HS6ST2: variants seen among roughly 807,000 people sequenced by gnomAD.
HS6ST2 encodes the protein heparan-sulfate 6-O-sulfotransferase 2.
In HS6ST2, 17 loss-of-function variants were observed where a neutral mutation model predicts 33.0. That is an observed-to-expected ratio of 0.52 (90% CI 0.35 to 0.77). The LOEUF (loss-of-function observed/expected upper bound fraction) is 0.77. Ranked by LOEUF, HS6ST2 falls within the 30% of genes least tolerant of loss-of-function variation. The pLI, the probability that HS6ST2 is intolerant of heterozygous loss-of-function variation, is 0.01. For synonymous variants in HS6ST2, 248 were observed against 237.1 expected (o/e 1.05, Z -0.42); for missense variants, 519 against 551.7 (o/e 0.94, Z 0.59).
chrX:132,744,036 C>T (rs960395399), intron 2 of HS6ST2, among the ~76,000 whole-genome samples: 1 of 111,416 alleles, frequency 9.0e-6, no homozygotes, highest in African/African-American at 3.3e-5. Flanking sequence ...TGATCTCCTG[C>T]CTTGGCCTCC....
chrX:132,875,654 C>T (rs1462145347), intron 2 of HS6ST2, among the ~76,000 whole-genome samples: 2 of 111,852 alleles, frequency 1.8e-5, no homozygotes, highest in Non-Finnish European at 3.8e-5. Flanking sequence ...TGGGGAGCCT[C>T]GATGAATGGC....
intron 3 of HS6ST2, among the ~76,000 whole-genome samples, chrX:132,693,149 A>G (rs2064080002): frequency 8.9e-6 from 1 of 112,227 alleles, no homozygotes; most frequent in Non-Finnish European, 1.9e-5. Context: ...GGTAGATATC[A>G]GGACAGGCAG....
chrX:132,681,581 T>C (rs756758816), intron 3 of HS6ST2, among the ~76,000 whole-genome samples: 292 of 111,769 alleles, frequency 2.6e-3, no homozygotes, highest in African/African-American at 9.0e-3. Flanking sequence ...GGCCAGGAGT[T>C]TGAGACCAGC....
intron 2 of HS6ST2, among the ~76,000 whole-genome samples, chrX:132,809,410 A>G (rs2065317802): frequency 3.6e-5 from 4 of 112,127 alleles, no homozygotes. Flanking sequence ...AGATCCCAGG[A>G]ATTAGCAGAA....
At chrX:132,851,920 A>G (rs1383868119) in intron 2 of HS6ST2, among the ~76,000 whole-genome samples, 2 of 111,701 alleles carry the variant, frequency 1.8e-5, no homozygotes, top group African/African-American at 6.5e-5. Flanking sequence ...GAGAAAGAAT[A>G]GCTTGAGGCC....
intron 2 of HS6ST2, among the ~76,000 whole-genome samples, chrX:132,765,733 G>A (rs991347540): frequency 8.9e-6 from 1 of 112,256 alleles, no homozygotes; most frequent in Non-Finnish European, 1.9e-5. Flanking sequence ...TTAGAGGCAT[G>A]AGCCACTGCA....
At chrX:132,824,746 C>T (rs1484505079) in intron 2 of HS6ST2, among the ~76,000 whole-genome samples, 1 of 112,544 alleles carries the variant, frequency 8.9e-6, no homozygotes, top group Non-Finnish European at 1.9e-5. Flanking sequence ...AAAGTCATTG[C>T]TTTTCTCTTA....
At chrX:132,692,843 C>T (rs1365685861) in intron 3 of HS6ST2, among the ~76,000 whole-genome samples, 1 of 112,126 alleles carries the variant, frequency 8.9e-6, no homozygotes. Flanking sequence ...TTTCCACCTT[C>T]TGTGGATTGC....
chrX:132,661,733 A>G (rs1201793409), intron 4 of HS6ST2, among the ~76,000 whole-genome samples: 2 of 112,187 alleles, frequency 1.8e-5, no homozygotes, highest in African/African-American at 6.5e-5. Context: ...AGGACGTACA[A>G]CATCCAAAAC....
At chrX:132,673,763 T>C (rs1300374915) in intron 3 of HS6ST2, among the ~76,000 whole-genome samples, 1 of 111,067 alleles carries the variant, frequency 9.0e-6, no homozygotes, top group African/African-American at 3.3e-5. Flanking sequence ...CAACAGGTGC[T>C]TCAGGCCCCT....
chrX:132,692,060 A>G (rs928273808), intron 3 of HS6ST2, among the ~76,000 whole-genome samples: 3 of 112,194 alleles, frequency 2.7e-5, no homozygotes, highest in Admixed American at 9.4e-5. Context: ...AGTTGTTTAT[A>G]GAACAATTTA....
intron 2 of HS6ST2, among the ~76,000 whole-genome samples, chrX:132,779,310 G>C (rs1339857423): frequency 8.9e-6 from 1 of 111,850 alleles, no homozygotes; most frequent in Non-Finnish European, 1.9e-5. Flanking sequence ...CTCTGAAGTA[G>C]ATTAAATGTG....
chrX:132,720,703 T>C (rs1379372915), intron 2 of HS6ST2, among the ~76,000 whole-genome samples: 4 of 96,108 alleles, frequency 4.2e-5, no homozygotes, highest in African/African-American at 1.6e-4. Flanking sequence ...AAGACACAAA[T>C]AGACTGAAAA....
chrX:132,821,243 C>T (rs1200924945), intron 2 of HS6ST2, among the ~76,000 whole-genome samples: 3 of 92,048 alleles, frequency 3.3e-5, no homozygotes, highest in Non-Finnish European at 6.3e-5. Flanking sequence ...GACAGAGTCT[C>T]TCTCTGTCGC....
chrX:132,662,041 A>G (rs1050299247), intron 4 of HS6ST2, among the ~76,000 whole-genome samples: 14 of 111,743 alleles, frequency 1.3e-4, no homozygotes, highest in Non-Finnish European at 2.6e-4. Context: ...CAATACTAGT[A>G]TAAAGCTATA....
intron 2 of HS6ST2, among the ~76,000 whole-genome samples, chrX:132,794,655 G>A: frequency 9.1e-6 from 1 of 109,961 alleles, no homozygotes; most frequent in Non-Finnish European, 1.9e-5. Flanking sequence ...GAACTCCTGG[G>A]CTCAAGCAAT....
At chrX:132,721,109 C>T (rs964851274) in intron 2 of HS6ST2, among the ~76,000 whole-genome samples, 2 of 111,882 alleles carry the variant, frequency 1.8e-5, no homozygotes, top group African/African-American at 6.5e-5. Flanking sequence ...ACATTTCATC[C>T]AATGGCTGCA....
chrX:132,806,805 C>T (rs2065288370), intron 2 of HS6ST2, among the ~76,000 whole-genome samples: 1 of 109,503 alleles, frequency 9.1e-6, no homozygotes, highest in Non-Finnish European at 1.9e-5. Flanking sequence ...GTTTGCGGGC[C>T]CTGTCCTAGA....
intron 2 of HS6ST2, among the ~76,000 whole-genome samples, chrX:132,868,986 C>T (rs1162322097): frequency 1.8e-4 from 14 of 76,396 alleles, no homozygotes; most frequent in African/African-American, 6.0e-4. Flanking sequence ...ATCAATGAAT[C>T]CAGGAGGTAT....
Sources: gnomAD v4.1 joint callset for allele counts (sites outside exome capture counted in the v4.1 genomes callset) on GRCh38, gnomAD v4.1.1 for gene constraint, MANE v1.5 for transcripts, NCBI Gene and HGNC (gene_info 2026-07-23, HGNC 2026-07-21) for gene names.